Variants in ZP3 observed in about 807,000 individuals in gnomAD.
ZP3 encodes the protein zona pellucida glycoprotein 3, also known as zona pellucida sperm-binding protein 3.
Under a neutral mutation model 35.6 loss-of-function variants are expected in ZP3, and 21 were observed. The ratio of observed to expected loss-of-function variants is 0.59; its 90% CI spans 0.42 to 0.85. ZP3 has a LOEUF of 0.85. Among genes scored for constraint, ZP3 ranks in the 40% least tolerant of loss-of-function variants. ZP3 has a pLI of 0.00. For missense variants in ZP3, 437 were observed against 536.5 expected (o/e 0.81, Z 1.83); for synonymous variants, 207 against 214.5 (o/e 0.96, Z 0.31).
chr7:76,418,825 C>T (rs1470669008), intron 1 of ZP3, among the ~76,000 whole-genome samples: 4 of 152,182 alleles, frequency 2.6e-5, no homozygotes, highest in Non-Finnish European at 5.9e-5. Flanking sequence ...CACTGCACTC[C>T]AGCCTGGGCC....
At chr7:76,433,779 A>G (rs187020096) in intron 4 of ZP3, 132 bp downstream of exon 4, 1 of 1,113,494 alleles carries the variant, frequency 9.0e-7, no homozygotes, top group Admixed American at 2.5e-5. Context: ...GCCCTCTGCA[A>G]CCTCTGCCTC....
Position 76,433,599 on chromosome 7 carries a change from C to A in ZP3, c.665C>A (p.Thr222Lys), listed in dbSNP as rs1805903458. The A allele has an allele frequency of 6.2e-7, 1 of 1,613,870 alleles. No individual in the cohort carries two copies. The highest frequency in any genetic ancestry group is 8.5e-7 in the Non-Finnish European group (1 of 1,179,908). The change falls in exon 4 of 8, where the codon ACA becomes AAA. Residue 222 changes from threonine to lysine, a missense_variant. Physicochemically the swap from Thr to Lys is moderately conservative, Grantham distance 78. Around this residue, in one of 6 missense-constraint regions of ZP3, gnomAD observed 352 missense variants for 308.4 expected, o/e 1.14. Coordinates refer to ENST00000394857, the MANE Select transcript of ZP3 (RefSeq NM_001110354.2). ...GTGGACCACTGCGTGGCCACACCGACACCAGACCAGAATGCCTCCCCTTAT... is the reference window on the plus strand; with the variant it reads ...GTGGACCACTGCGTGGCCACACCGAAACCAGACCAGAATGCCTCCCCTTAT... ...LFVDHCVATP[T>K]PDQNASPYHT...
chr7:76,397,928 T>C (rs1584023119), intron 1 of ZP3: 3 of 1,252,620 alleles, frequency 2.4e-6, no homozygotes, highest in Non-Finnish European at 3.2e-6. Context: ...TCTACAACCC[T>C]TGGGCATCTG....
rs753883780 is a variant in ZP3, at chr7:76,441,996, T to C, written c.1215T>C (p.Val405=). The stretch of plus-strand genomic sequence containing the variant: ...TGGTGTCCCTGACTCTGACTGCTGT[T>C]ATCCTGGTTCTCACCAGGAGGTGTC... The part of the protein sequence containing the change: ...AVVVSLTLTA[V]ILVLTRRCRT... Residue 405 remains valine, a synonymous_variant, in exon 8 of 8, where the codon GTT becomes GTC. Transcript: ENST00000394857. 3.3e-6 allele frequency: 4 copies of C among 1,224,628 alleles called. No individual in the cohort carries two copies. Among genetic ancestry groups the C allele is most frequent in the Non-Finnish European group, 4.7e-6 (4 of 844,752 alleles). The allele number at this position is 1,224,628 out of a possible 1,614,324, so 75.9% of individuals were successfully genotyped here.
intron 5 of ZP3, among the ~76,000 whole-genome samples, chr7:76,437,934 G>A (rs1273068735): frequency 6.6e-6 from 1 of 152,242 alleles, no homozygotes; most frequent in Non-Finnish European, 1.5e-5. Flanking sequence ...ACAGGGCCTT[G>A]GAAGCTTCTT....
chr7:76,404,582 AG>A (rs752537885), intron 1 of ZP3: 1 of 1,272,370 alleles, frequency 7.9e-7, no homozygotes. Flanking sequence ...GCTTGCACCC[AG>A]GGGTTTGAGA....
At chr7:76,419,446 G>A (rs934380029) in intron 1 of ZP3, among the ~76,000 whole-genome samples, 3 of 152,104 alleles carry the variant, frequency 2.0e-5, no homozygotes, top group Admixed American at 6.6e-5. Context: ...TCCTCCGTCC[G>A]GTATCATGTT....
intron 1 of ZP3, among the ~76,000 whole-genome samples, chr7:76,425,534 ACTCT>A (rs1023051592): frequency 5.9e-5 from 9 of 151,532 alleles, no homozygotes; most frequent in African/African-American, 2.2e-4. Context: ...AAGCCACGCC[ACTCT>A]CTCTCAGGTG....
chr7:76,436,852 T>C (rs1450970444), intron 5 of ZP3, among the ~76,000 whole-genome samples: 2 of 152,242 alleles, frequency 1.3e-5, no homozygotes, highest in South Asian at 4.1e-4. Flanking sequence ...AGCATGGGTA[T>C]GGACTGAGGT....
intron 1 of ZP3, among the ~76,000 whole-genome samples, chr7:76,408,109 T>C (rs1012440782): frequency 2.0e-5 from 3 of 152,070 alleles, no homozygotes. Flanking sequence ...AGAGGATGGT[T>C]CTGTTTGGGC....
Position 76,413,839 on chromosome 7 carries a change from G to T in ZP3, c.-66-11213G>T, listed in dbSNP as rs779259499. Among the ~76,000 whole-genome samples the T allele has an allele frequency of 2.0e-4, 31 of 151,852 alleles. 1 individual carries two copies. The highest frequency in any genetic ancestry group is 8.3e-4 in the South Asian group (4 of 4,820). On this transcript the variant is annotated intron_variant, in intron 1 of 8. Coordinates refer to the ZP3 transcript ENST00000336517. ...GCGCCACCATGCCCAGCTAATTATTGTATTTTTTGAAGAGACAAAGTCTCA... is the reference window on the plus strand; with the variant it reads ...GCGCCACCATGCCCAGCTAATTATTTTATTTTTTGAAGAGACAAAGTCTCA...
chr7:76,429,739 C>G, intron 2 of ZP3, 106 bp downstream of exon 2: 1 of 935,772 alleles, frequency 1.1e-6, no homozygotes, highest in Admixed American at 1.9e-5. Context: ...GCTATTAGAA[C>G]TACCTACCGA....
At chr7:76,433,062 G>A in intron 3 of ZP3, 32 bp downstream of exon 3, 2 of 1,557,914 alleles carry the variant, frequency 1.3e-6, no homozygotes, top group Non-Finnish European at 1.8e-6. Context: ...GGACATCTGT[G>A]GAAAGACCTG....
intron 4 of ZP3, 35 bp downstream of exon 4, chr7:76,433,682 T>C (rs778603239): frequency 5.8e-6 from 9 of 1,563,550 alleles, no homozygotes. Context: ...AGAACCTTCC[T>C]AGCAAAATGA....
intron 1 of ZP3, among the ~76,000 whole-genome samples, chr7:76,411,013 A>AAAAAAATAAAAG (rs1554623386): frequency 7.6e-6 from 1 of 131,140 alleles, no homozygotes; most frequent in Non-Finnish European, 1.5e-5. Context: ...AAAAAAAAAA[A>AAAAAAATAAAAG]AAAAGAAAAG....
chr7:76,414,111 C>A (rs1255861094), intron 1 of ZP3, among the ~76,000 whole-genome samples: 1 of 151,632 alleles, frequency 6.6e-6, no homozygotes, highest in Non-Finnish European at 1.5e-5. Flanking sequence ...ATTCTCATGC[C>A]TCAGCCTCCC....
chr7:76,436,694 T>G (rs1806023889), intron 5 of ZP3, among the ~76,000 whole-genome samples: 1 of 152,186 alleles, frequency 6.6e-6, no homozygotes, highest in African/African-American at 2.4e-5. Flanking sequence ...GGAGGGCAGA[T>G]TTGGGAAAAG....
chr7:76,405,313 A>G lies in ZP3; in HGVS notation c.-67+7516A>G, dbSNP rs111340599. On this transcript the variant is annotated intron_variant, in intron 1 of 8. Coordinates refer to the ZP3 transcript ENST00000336517. ...TATATATATATATATATATATATAT[A>G]TATGTATTTTTTTCTTTCTTTCTTT... Among the ~76,000 whole-genome samples the G allele has an allele frequency of 2.4e-3, 81 of 34,364 alleles. 2 individuals carry two copies. The highest frequency in any genetic ancestry group is 5.6e-3 in the African/African-American group (31 of 5,532). 22.5% of individuals were successfully genotyped at this position (34,364 alleles called of 152,430 possible).
At chr7:76,400,535 C>T (rs752879864) in intron 1 of ZP3, 8 of 1,556,486 alleles carry the variant, frequency 5.1e-6, no homozygotes, top group South Asian at 1.2e-5. Context: ...CAGGAGCCAC[C>T]GTGCATGACT....
Sources: gnomAD v4.1 joint callset for allele counts (sites outside exome capture counted in the v4.1 genomes callset) on GRCh38, gnomAD v4.1.1 for gene constraint, gnomAD v4.1.1 regional missense constraint, MANE v1.5 for transcripts, NCBI Gene and HGNC (gene_info 2026-07-23, HGNC 2026-07-21) for gene names.